Variants in RGS6 observed in about 807,000 individuals in gnomAD.
The protein encoded by RGS6 is regulator of G-protein signaling 6.
Under a neutral mutation model 78.5 loss-of-function variants are expected in RGS6, and 30 were observed. The ratio of observed to expected loss-of-function variants is 0.38; its 90% confidence interval spans 0.29 to 0.52. The LOEUF (loss-of-function observed/expected upper bound fraction) is 0.52, where lower values mean the gene tolerates loss of function less well. Ranked by LOEUF, RGS6 falls within the 20% of genes least tolerant of loss-of-function variation. The pLI is 0.85. For missense variants in RGS6, 495 were observed against 609.7 expected, an observed-to-expected ratio of 0.81 and a Z score of 1.98; for synonymous variants, 206 against 206.0, an observed-to-expected ratio of 1.00 and a Z score of 0.00.
intron 2 of RGS6, among the ~76,000 whole-genome samples, chr14:71,966,579 T>C (rs888932371): frequency 7.2e-5 from 11 of 152,168 alleles, no homozygotes; most frequent in South Asian, 4.1e-4. Context: ...TACCACTCTT[T>C]AGCAGTATGA....
intron 2 of RGS6, among the ~76,000 whole-genome samples, chr14:72,275,904 C>T (rs1378982956): frequency 2.6e-5 from 4 of 152,158 alleles, no homozygotes; most frequent in Admixed American, 2.6e-4. Flanking sequence ...GGCATCTTTC[C>T]ATTAGGAAGC....
chr14:72,120,810 A>G (rs1429570769), intron 2 of RGS6, among the ~76,000 whole-genome samples: 1 of 152,194 alleles, frequency 6.6e-6, no homozygotes, highest in Non-Finnish European at 1.5e-5. Context: ...GAACTGATTC[A>G]AAAGGAGCAC....
At chr14:72,401,718 G>A (rs899021228) in intron 3 of RGS6, among the ~76,000 whole-genome samples, 3 of 150,334 alleles carry the variant, frequency 2.0e-5, no homozygotes, top group Admixed American at 2.0e-4. Context: ...TTAAAATAAA[G>A]CAAGGAAGAT....
chr14:72,162,387 ACT>A (rs2096864733), intron 2 of RGS6, among the ~76,000 whole-genome samples: 1 of 152,112 alleles, frequency 6.6e-6, no homozygotes, highest in South Asian at 2.1e-4. Context: ...AGGCTAAACC[ACT>A]CTGCAAAATG....
At chr14:72,495,995 ATTT>A (rs903596507) in intron 13 of RGS6, among the ~76,000 whole-genome samples, 1 of 140,316 alleles carries the variant, frequency 7.1e-6, no homozygotes, top group African/African-American at 2.7e-5. Context: ...GGCTGGATGA[ATTT>A]TTATTTCCCT....
At chr14:72,074,699 C>T (rs190757836) in intron 2 of RGS6, among the ~76,000 whole-genome samples, 4 of 152,106 alleles carry the variant, frequency 2.6e-5, no homozygotes, top group African/African-American at 7.2e-5. Flanking sequence ...AGCATCCCCC[C>T]ACTTGTTTCT....
At chr14:72,284,186 A>G (rs1056304187) in intron 2 of RGS6, among the ~76,000 whole-genome samples, 1 of 152,252 alleles carries the variant, frequency 6.6e-6, no homozygotes, top group Admixed American at 6.5e-5. Flanking sequence ...TTGCAGCCTG[A>G]TGACGCAGTA....
At chr14:72,099,469 T>C (rs1473329679) in intron 2 of RGS6, among the ~76,000 whole-genome samples, 2 of 152,138 alleles carry the variant, frequency 1.3e-5, no homozygotes, top group African/African-American at 4.8e-5. Context: ...TAGAAGCAGC[T>C]TTAATACCAG....
chr14:72,252,015 T>C (rs940785373), intron 2 of RGS6, among the ~76,000 whole-genome samples: 3 of 152,246 alleles, frequency 2.0e-5, no homozygotes, highest in Non-Finnish European at 4.4e-5. Flanking sequence ...AGATGAGCTA[T>C]GCCATTGGAG....
intron 2 of RGS6, among the ~76,000 whole-genome samples, chr14:72,321,868 A>G (rs948909264): frequency 3.9e-5 from 6 of 151,978 alleles, no homozygotes; most frequent in Non-Finnish European, 8.8e-5. Flanking sequence ...ATCCTTTCAG[A>G]TGTCCATAAA....
intron 2 of RGS6, among the ~76,000 whole-genome samples, chr14:72,143,279 A>G (rs1376398309): frequency 6.6e-6 from 1 of 152,088 alleles, no homozygotes; most frequent in Non-Finnish European, 1.5e-5. Context: ...AGGCTGATGC[A>G]GGAGAATCGC....
intron 2 of RGS6, among the ~76,000 whole-genome samples, chr14:71,965,639 T>C (rs1398462504): frequency 6.6e-6 from 1 of 152,214 alleles, no homozygotes; most frequent in Admixed American, 6.5e-5. Context: ...AGTGTTGAAT[T>C]AGACAATTTA....
the RGS6 span, among the ~76,000 whole-genome samples, chr14:71,871,863 T>A: frequency 1.3e-5 from 2 of 152,126 alleles, no homozygotes; most frequent in African/African-American, 2.4e-5. Flanking sequence ...CCCCCTACTG[T>A]CGAATGAATT....
the RGS6 span, among the ~76,000 whole-genome samples, chr14:71,906,309 G>A: frequency 6.6e-6 from 1 of 152,216 alleles, no homozygotes; most frequent in African/African-American, 2.4e-5. Context: ...TGGGCAGGGT[G>A]CTGTCTGCAC....
At chr14:72,361,676 T>C (rs769939443) in intron 3 of RGS6, among the ~76,000 whole-genome samples, 96 of 152,276 alleles carry the variant, frequency 6.3e-4, no homozygotes, top group Non-Finnish European at 1.2e-3. Context: ...TGTGTGAATA[T>C]TGAAATCACT....
chr14:72,038,449 T>G (rs890606048), intron 2 of RGS6, among the ~76,000 whole-genome samples: 4 of 152,204 alleles, frequency 2.6e-5, no homozygotes, highest in Non-Finnish European at 1.5e-5. Flanking sequence ...GGATTTTGAT[T>G]AGGTTTGTGC....
At chr14:72,411,825 C>T (rs1344024958) in intron 3 of RGS6, among the ~76,000 whole-genome samples, 8 of 152,114 alleles carry the variant, frequency 5.3e-5, no homozygotes, top group Admixed American at 2.0e-4. Flanking sequence ...TTGAGATTAT[C>T]ATGCGGTTTT....
intron 3 of RGS6, among the ~76,000 whole-genome samples, chr14:72,367,214 G>A (rs2082612092): frequency 6.6e-6 from 1 of 152,178 alleles, no homozygotes; most frequent in African/African-American, 2.4e-5. Context: ...CGTTCTCCCT[G>A]AACATGAGAA....
At chr14:72,174,970 G>C (rs1476286693) in intron 2 of RGS6, among the ~76,000 whole-genome samples, 1 of 152,214 alleles carries the variant, frequency 6.6e-6, no homozygotes, top group African/African-American at 2.4e-5. Flanking sequence ...GTGGTTGCCT[G>C]AGCGTCCAGG....
Sources: gnomAD v4.1 joint callset for allele counts (sites outside exome capture counted in the v4.1 genomes callset) on GRCh38, gnomAD v4.1.1 for gene constraint, MANE v1.5 for transcripts, NCBI Gene and HGNC (gene_info 2026-07-23, HGNC 2026-07-21) for gene names.